The following NAALADL2 variants were observed in gnomAD, a reference collection of about 807,000 sequenced individuals.
NAALADL2 encodes inactive N-acetylated-alpha-linked acidic dipeptidase-like protein 2.
NAALADL2 carries 76 observed loss-of-function variants against 87.2 expected under a neutral mutation model. The ratio of observed to expected loss-of-function variants is 0.87; its 90% CI spans 0.72 to 1.05. The LOEUF is 1.05. Among genes scored for constraint, NAALADL2 ranks in the 50% least tolerant of loss-of-function variants. The pLI is 0.00. For missense variants in NAALADL2, 1,089 were observed against 945.8 expected, an observed-to-expected ratio of 1.15 and a Z score of -1.99; for synonymous variants, 354 against 331.0, an observed-to-expected ratio of 1.07 and a Z score of -0.75.
At chr3:174,548,433 T>A (rs1711648716) in intron 1 of NAALADL2, among the ~76,000 whole-genome samples, 1 of 152,218 alleles carries the variant, frequency 6.6e-6, no homozygotes, top group African/African-American at 2.4e-5. Flanking sequence ...TGTCTCTGCA[T>A]TATTGAATTA....
intron 9 of NAALADL2, among the ~76,000 whole-genome samples, chr3:175,517,707 C>T (rs1367084970): frequency 2.0e-5 from 3 of 152,054 alleles, no homozygotes; most frequent in Admixed American, 2.0e-4. Flanking sequence ...CATGGACACA[C>T]ACAAGGAGTG....
chr3:174,654,152 TA>T (rs1326118847), intron 2 of NAALADL2, among the ~76,000 whole-genome samples: 3 of 151,730 alleles, frequency 2.0e-5, no homozygotes, highest in African/African-American at 7.3e-5. Context: ...TCTCTTGGCA[TA>T]CAGAAAAGGA....
At chr3:174,862,346 C>T (rs1726607648) in intron 1 of NAALADL2, among the ~76,000 whole-genome samples, 1 of 151,926 alleles carries the variant, frequency 6.6e-6, no homozygotes, top group Admixed American at 6.6e-5. Context: ...GTGACAGCTC[C>T]CTTCCTGGAA....
chr3:174,700,293 G>A (rs903034693), intron 2 of NAALADL2, among the ~76,000 whole-genome samples: 7 of 149,046 alleles, frequency 4.7e-5, no homozygotes, highest in African/African-American at 1.5e-4. Flanking sequence ...AATAATTCAA[G>A]TTTTAAAAAT....
chr3:174,609,397 T>C (rs1361118898), intron 2 of NAALADL2, among the ~76,000 whole-genome samples: 2 of 151,924 alleles, frequency 1.3e-5, no homozygotes, highest in Admixed American at 6.6e-5. Flanking sequence ...GACAACATGA[T>C]TGTATATCTA....
chr3:175,157,918 A>T (rs1732564310), intron 2 of NAALADL2, among the ~76,000 whole-genome samples: 4 of 152,126 alleles, frequency 2.6e-5, no homozygotes, highest in Admixed American at 2.6e-4. Flanking sequence ...ATTTATCAAA[A>T]TCTAATTTTC....
chr3:174,826,907 G>C (rs1238723370), intron 3 of NAALADL2, among the ~76,000 whole-genome samples: 1 of 151,872 alleles, frequency 6.6e-6, no homozygotes, highest in Non-Finnish European at 1.5e-5. Flanking sequence ...AAACTCTTTG[G>C]TTATAAATAA....
At chr3:174,631,839 T>C (rs975729559) in intron 2 of NAALADL2, 4 of 152,226 alleles carry the variant, frequency 2.6e-5, no homozygotes, top group East Asian at 3.8e-4. Context: ...GAGAGAAAAC[T>C]AGCTGTGACA....
In NAALADL2 at chr3:175,378,437, C is replaced by G. The variant is rs141325666; in HGVS notation, c.1090+54112C>G. Among the ~76,000 whole-genome samples the G allele has an allele frequency of 2.9e-3, 447 of 152,314 alleles. 3 individuals carry two copies. The highest frequency in any genetic ancestry group is 1.0e-2 in the African/African-American group (414 of 41,564). ...CTTCATTATGTTGTGCTTTGTATTG[C>G]ATGGTGGTTCATTTAGTCGTGAACC... On this transcript the variant is annotated intron_variant, in intron 5 of 13. Transcript: ENST00000454872.
chr3:175,398,246 C>G (rs929257517), intron 5 of NAALADL2, among the ~76,000 whole-genome samples: 1 of 150,788 alleles, frequency 6.6e-6, no homozygotes, highest in Non-Finnish European at 1.5e-5. Context: ...ATTAGAGACA[C>G]AGAAGGAAGT....
chr3:175,607,913 G>GCA (rs1553931901), intron 10 of NAALADL2, among the ~76,000 whole-genome samples: 3,457 of 149,140 alleles, frequency 0.023, 133 homozygotes, highest in African/African-American at 0.08. Flanking sequence ...ACACACACAC[G>GCA]CACACACACG....
At chr3:175,414,074 C>T (rs181702854) in intron 5 of NAALADL2, among the ~76,000 whole-genome samples, 1 of 152,140 alleles carries the variant, frequency 6.6e-6, no homozygotes, top group East Asian at 1.9e-4. Context: ...GGCTGTAAGG[C>T]CTAGAGTTGT....
At chr3:175,002,734 T>A (rs1011834905) in intron 1 of NAALADL2, among the ~76,000 whole-genome samples, 5 of 152,216 alleles carry the variant, frequency 3.3e-5, no homozygotes, top group Non-Finnish European at 5.9e-5. Flanking sequence ...GATGAAAATC[T>A]GATGCAAGAA....
intron 13 of NAALADL2, among the ~76,000 whole-genome samples, chr3:175,795,543 C>T (rs963614957): frequency 2.5e-4 from 38 of 149,994 alleles, no homozygotes; most frequent in African/African-American, 5.7e-4. Flanking sequence ...ATTAGCTGGG[C>T]GTGGTGGCGG....
chr3:175,309,656 A>C (rs995456485), intron 4 of NAALADL2, among the ~76,000 whole-genome samples: 1 of 152,090 alleles, frequency 6.6e-6, no homozygotes, highest in African/African-American at 2.4e-5. Context: ...AGACAAATGC[A>C]AAGAAATCAC....
intron 2 of NAALADL2, among the ~76,000 whole-genome samples, chr3:175,212,469 T>C (rs185152179): frequency 1.8e-3 from 269 of 152,194 alleles, no homozygotes; most frequent in South Asian, 1.7e-3. Context: ...AGAAATCATA[T>C]GGTAAAACAG....
intron 9 of NAALADL2, among the ~76,000 whole-genome samples, chr3:175,504,584 TC>T: frequency 2.1e-5 from 2 of 96,576 alleles, no homozygotes; most frequent in East Asian, 4.1e-4. Context: ...TCTCTCTCTC[TC>T]TCTCTCTCTC....
At chr3:175,008,954 C>A (rs531554268) in intron 1 of NAALADL2, among the ~76,000 whole-genome samples, 1 of 152,074 alleles carries the variant, frequency 6.6e-6, no homozygotes, top group East Asian at 1.9e-4. Context: ...AAAAATAAGT[C>A]TTTTGTGAAA....
intron 2 of NAALADL2, among the ~76,000 whole-genome samples, chr3:174,720,177 C>G (rs768621003): frequency 2.0e-5 from 3 of 151,960 alleles, no homozygotes; most frequent in Non-Finnish European, 4.4e-5. Flanking sequence ...TTACGTCAAA[C>G]AAGGGATTAT....
Sources: allele counts gnomAD v4.1 joint callset (sites outside exome capture counted in the v4.1 genomes callset), GRCh38; gene constraint gnomAD v4.1.1; transcripts MANE v1.5; gene names NCBI Gene and HGNC (gene_info 2026-07-23, HGNC 2026-07-21).